Variants in MLLT3 observed in about 807,000 individuals in gnomAD.
MLLT3 encodes the protein protein AF-9.
Under a neutral mutation model 53.2 loss-of-function variants are expected in MLLT3, and 4 were observed. The ratio of observed to expected loss-of-function variants is 0.08; its 90% CI spans 0.04 to 0.17. The LOEUF is 0.17. Ranked by LOEUF, MLLT3 falls within the 10% of genes least tolerant of loss-of-function variation. The probability of loss-of-function intolerance (pLI) is 1.00; values close to 1 mark genes in which losing one functional copy is unlikely to be tolerated. For missense variants in MLLT3, 569 were observed against 684.0 expected, an observed-to-expected ratio of 0.83 and a Z score of 1.87; for synonymous variants, 283 against 230.6, an observed-to-expected ratio of 1.23 and a Z score of -2.06.
intron 2 of MLLT3, among the ~76,000 whole-genome samples, chr9:20,502,952 C>T (rs10811354): frequency 0.29 from 43,351 of 152,056 alleles, 7,335 homozygotes; most frequent in African/African-American, 0.47. Flanking sequence ...CCATTCACTA[C>T]AGCAACCAAA....
At chr9:20,519,393 T>A (rs190651392) in intron 2 of MLLT3, among the ~76,000 whole-genome samples, 1 of 152,264 alleles carries the variant, frequency 6.6e-6, no homozygotes, top group East Asian at 1.9e-4. Flanking sequence ...AGACAAAAAG[T>A]TTTTTATTTA....
intron 2 of MLLT3, among the ~76,000 whole-genome samples, chr9:20,602,983 A>T (rs189295061): frequency 3.0e-4 from 46 of 152,266 alleles, no homozygotes; most frequent in Admixed American, 2.6e-3. Flanking sequence ...GCTCTGAATT[A>T]AAAGTAGATA....
At chr9:20,358,934 C>T (rs1202641093) in intron 8 of MLLT3, among the ~76,000 whole-genome samples, 1 of 151,896 alleles carries the variant, frequency 6.6e-6, no homozygotes, top group Non-Finnish European at 1.5e-5. Flanking sequence ...ATGATGAGGT[C>T]AAGAGATCGA....
At chr9:20,602,010 A>G (rs1424774559) in intron 2 of MLLT3, among the ~76,000 whole-genome samples, 1 of 152,166 alleles carries the variant, frequency 6.6e-6, no homozygotes, top group East Asian at 1.9e-4. Context: ...ACCTCAACAG[A>G]AACACAGAAG....
At chr9:20,604,396 C>CAGAT (rs1457008767) in intron 2 of MLLT3, among the ~76,000 whole-genome samples, 7 of 147,684 alleles carry the variant, frequency 4.7e-5, no homozygotes, top group Admixed American at 1.4e-4. Context: ...TAAAAGTCTT[C>CAGAT]AGATACAAAA....
chr9:20,454,665 C>T (rs1300214141), intron 3 of MLLT3, among the ~76,000 whole-genome samples: 1 of 152,082 alleles, frequency 6.6e-6, no homozygotes, highest in Non-Finnish European at 1.5e-5. Flanking sequence ...GTAGCCCGAT[C>T]CCTAGATGAA....
chr9:20,475,519 T>C (rs1226778075), intron 2 of MLLT3, among the ~76,000 whole-genome samples: 1 of 152,152 alleles, frequency 6.6e-6, no homozygotes, highest in African/African-American at 2.4e-5. Context: ...CATACAACTG[T>C]CTACTATTAG....
At chr9:20,530,260 T>G (rs1219618023) in intron 2 of MLLT3, among the ~76,000 whole-genome samples, 1 of 152,236 alleles carries the variant, frequency 6.6e-6, no homozygotes, top group African/African-American at 2.4e-5. Context: ...GGTTGGATTT[T>G]CATTGTTACC....
intron 4 of MLLT3, among the ~76,000 whole-genome samples, chr9:20,440,424 T>C (rs1432820492): frequency 6.6e-6 from 1 of 152,174 alleles, no homozygotes; most frequent in African/African-American, 2.4e-5. Flanking sequence ...TCAGGTTTTC[T>C]TACAACTCAT....
At chr9:20,460,929 C>G (rs1048208176) in intron 2 of MLLT3, among the ~76,000 whole-genome samples, 1 of 152,140 alleles carries the variant, frequency 6.6e-6, no homozygotes, top group South Asian at 2.1e-4. Flanking sequence ...GTTCTGAGAG[C>G]ACCACATGTT....
intron 5 of MLLT3, among the ~76,000 whole-genome samples, chr9:20,376,234 A>T (rs1191637992): frequency 6.6e-6 from 1 of 152,182 alleles, no homozygotes; most frequent in African/African-American, 2.4e-5. Context: ...AAGACTCTAC[A>T]TCTCTTTTTA....
chr9:20,373,278 T>C (rs1249067648), intron 5 of MLLT3, among the ~76,000 whole-genome samples: 1 of 152,204 alleles, frequency 6.6e-6, no homozygotes, highest in Non-Finnish European at 1.5e-5. Context: ...AAGATATATC[T>C]TTACTACCAA....
In MLLT3 at chr9:20,343,662, A is replaced by G. The variant is rs1041411088; in HGVS notation, c.*2781T>C. 8.9e-6 allele frequency: 2 copies of G among 225,778 alleles called. No individual in the cohort carries two copies. The highest frequency in any genetic ancestry group is 1.8e-5 in the Non-Finnish European group (2 of 113,380). 14.0% of individuals were successfully genotyped at this position (225,778 alleles called of 1,614,324 possible). The stretch of plus-strand genomic sequence containing the variant: ...AGGAAAAATTTTTTAAAAGTTTATC[A>G]TACTCTGGCTGGTTCAAACCATATT... On this transcript the variant is annotated 3_prime_UTR_variant, in exon 11 of 11. Coordinates refer to ENST00000380338, the MANE Select transcript of MLLT3 (RefSeq NM_004529.4).
Position 20,536,847 on chromosome 9 carries a change from C to G in MLLT3, c.194-80061G>C, listed in dbSNP as rs1185935175. Reference sequence around the variant, plus strand: ...ACTCCTGCAGGTAGTAGCTGTTTAACTAGAAAAAAAAAAAAAAACTGCCAA... The same window carrying G: ...ACTCCTGCAGGTAGTAGCTGTTTAAGTAGAAAAAAAAAAAAAAACTGCCAA... On this transcript the variant is annotated intron_variant, in intron 2 of 10. Transcript: ENST00000380338. 3.4e-5 allele frequency among the ~76,000 whole-genome samples: 5 copies of G among 147,464 alleles called. 1 individual carries two copies. The highest frequency in any genetic ancestry group is 1.0e-4 in the African/African-American group (4 of 40,154).
intron 2 of MLLT3, among the ~76,000 whole-genome samples, chr9:20,605,659 C>A (rs1820544131): frequency 6.6e-6 from 1 of 151,882 alleles, no homozygotes; most frequent in African/African-American, 2.4e-5. Flanking sequence ...AACATAATTC[C>A]AATCATGTTT....
At chr9:20,605,021 C>G (rs1820526522) in intron 2 of MLLT3, among the ~76,000 whole-genome samples, 1 of 152,032 alleles carries the variant, frequency 6.6e-6, no homozygotes, top group Non-Finnish European at 1.5e-5. Flanking sequence ...AACTTTTTAG[C>G]TATTCAAGAA....
At chr9:20,598,669 C>T (rs1820337625) in intron 2 of MLLT3, among the ~76,000 whole-genome samples, 1 of 152,164 alleles carries the variant, frequency 6.6e-6, no homozygotes, top group South Asian at 2.1e-4. Flanking sequence ...GATCAGTAAA[C>T]TGAATCCATC....
At chr9:20,581,740 A>G (rs1343932494) in intron 2 of MLLT3, among the ~76,000 whole-genome samples, 1 of 152,182 alleles carries the variant, frequency 6.6e-6, no homozygotes, top group Admixed American at 6.5e-5. Flanking sequence ...GGTACAAGGA[A>G]AACATTTAAA....
intron 4 of MLLT3, among the ~76,000 whole-genome samples, chr9:20,430,985 T>C (rs1015342658): frequency 4.6e-5 from 7 of 152,146 alleles, no homozygotes; most frequent in East Asian, 1.9e-4. Context: ...TTAATGAACA[T>C]ATAATCACTG....
Sources: allele counts gnomAD v4.1 joint callset (sites outside exome capture counted in the v4.1 genomes callset), GRCh38; gene constraint gnomAD v4.1.1; transcripts MANE v1.5; gene names NCBI Gene and HGNC (gene_info 2026-07-23, HGNC 2026-07-21).